ZNF385D: variants seen among roughly 807,000 people sequenced by gnomAD.
The protein encoded by ZNF385D is zinc finger protein 385D.
Under a neutral mutation model 35.8 loss-of-function variants are expected in ZNF385D, and 15 were observed. That is an observed-to-expected ratio of 0.42 (90% confidence interval 0.28 to 0.64). The LOEUF (loss-of-function observed/expected upper bound fraction) is 0.64. Ranked by LOEUF, ZNF385D falls within the 30% of genes least tolerant of loss-of-function variation. The probability of loss-of-function intolerance (pLI) is 0.23; values close to 1 mark genes in which losing one functional copy is unlikely to be tolerated. For synonymous variants in ZNF385D, 212 were observed against 186.8 expected, an observed-to-expected ratio of 1.13 and a Z score of -1.10; for missense variants, 474 against 494.6, an observed-to-expected ratio of 0.96 and a Z score of 0.39.
intron 2 of ZNF385D, among the ~76,000 whole-genome samples, chr3:21,587,028 G>A (rs368217625): frequency 6.6e-6 from 1 of 152,074 alleles, no homozygotes; most frequent in Admixed American, 6.6e-5. Flanking sequence ...CCATGTAAAC[G>A]TATGAAAGAA....
At chr3:21,954,856 G>A (rs1694042) in intron 3 of ZNF385D, among the ~76,000 whole-genome samples, 48,149 of 151,784 alleles carry the variant, frequency 0.32, 8,778 homozygotes, top group African/African-American at 0.46. Context: ...ACCACTGAAA[G>A]TGAAGCTTTA....
chr3:21,920,101 T>C (rs259510), intron 3 of ZNF385D, among the ~76,000 whole-genome samples: 42,598 of 152,014 alleles, frequency 0.28, 6,950 homozygotes, highest in Admixed American at 0.43. Context: ...TTTTAAATGG[T>C]TAAAAGGAAA....
At chr3:21,461,275 G>A (rs1362747935) in intron 4 of ZNF385D, among the ~76,000 whole-genome samples, 1 of 152,088 alleles carries the variant, frequency 6.6e-6, no homozygotes, top group Non-Finnish European at 1.5e-5. Flanking sequence ...TTTGAGGCCT[G>A]GCACAGTGGC....
At chr3:22,031,018 C>T (rs1360255678) in intron 3 of ZNF385D, among the ~76,000 whole-genome samples, 1 of 152,192 alleles carries the variant, frequency 6.6e-6, no homozygotes, top group African/African-American at 2.4e-5. Context: ...TCAAAGTCTC[C>T]TTTGATTCTA....
chr3:22,017,543 T>A (rs990241696), intron 3 of ZNF385D, among the ~76,000 whole-genome samples: 1 of 152,030 alleles, frequency 6.6e-6, no homozygotes, highest in African/African-American at 2.4e-5. Flanking sequence ...TAGATTTATG[T>A]CTACCATATT....
At chr3:22,100,780 A>C (rs574734108) in intron 3 of ZNF385D, among the ~76,000 whole-genome samples, 1 of 152,052 alleles carries the variant, frequency 6.6e-6, no homozygotes, top group South Asian at 2.1e-4. Context: ...ACATGTATAC[A>C]TATGTAACTA....
chr3:22,195,115 A>G (rs1696321966), intron 2 of ZNF385D, among the ~76,000 whole-genome samples: 1 of 151,830 alleles, frequency 6.6e-6, no homozygotes, highest in South Asian at 2.1e-4. Flanking sequence ...ATTGCTCCCC[A>G]TTGTCATTAG....
chr3:21,604,859 G>T (rs1417337485), intron 2 of ZNF385D, among the ~76,000 whole-genome samples: 1 of 152,170 alleles, frequency 6.6e-6, no homozygotes, highest in African/African-American at 2.4e-5. Flanking sequence ...AAAAGTTAAG[G>T]AAAGGCTAGT....
chr3:21,620,766 ACC>A (rs889523804), intron 2 of ZNF385D, among the ~76,000 whole-genome samples: 1 of 151,848 alleles, frequency 6.6e-6, no homozygotes, highest in African/African-American at 2.4e-5. Context: ...AGTGAACTTA[ACC>A]CCTGAAATGT....
chr3:21,943,753 A>C (rs1701647511), intron 3 of ZNF385D, among the ~76,000 whole-genome samples: 1 of 152,186 alleles, frequency 6.6e-6, no homozygotes, highest in African/African-American at 2.4e-5. Context: ...CTAGCAAAGA[A>C]GGAAATAAAG....
chr3:21,958,399 T>A (rs1702401356), intron 3 of ZNF385D, among the ~76,000 whole-genome samples: 1 of 152,094 alleles, frequency 6.6e-6, no homozygotes, highest in African/African-American at 2.4e-5. Context: ...CAGTTATTCA[T>A]CCTTAAAATG....
chr3:22,318,269 G>A (rs1308607589), intron 2 of ZNF385D, among the ~76,000 whole-genome samples: 3 of 152,114 alleles, frequency 2.0e-5, no homozygotes, highest in African/African-American at 4.8e-5. Context: ...AAAGCTTTAA[G>A]TAGAATGAAA....
intron 4 of ZNF385D, chr3:21,459,233 G>A (rs1396415586): frequency 5.3e-5 from 8 of 152,176 alleles, no homozygotes; most frequent in Admixed American, 3.3e-4. Context: ...AGTCATGGTA[G>A]AAGTTTGGTG....
chr3:22,093,652 T>A (rs2125607369), intron 3 of ZNF385D, among the ~76,000 whole-genome samples: 1 of 152,262 alleles, frequency 6.6e-6, no homozygotes, highest in East Asian at 1.9e-4. Flanking sequence ...CTCACCTCTG[T>A]CTTCCCACTC....
chr3:22,067,524 A>G (rs1309245621), intron 3 of ZNF385D, among the ~76,000 whole-genome samples: 1 of 152,224 alleles, frequency 6.6e-6, no homozygotes, highest in African/African-American at 2.4e-5. Flanking sequence ...TTAAGCTATG[A>G]CAAAACAGAA....
chr3:22,336,398 C>T (rs541218893), intron 2 of ZNF385D, among the ~76,000 whole-genome samples: 13 of 152,172 alleles, frequency 8.5e-5, no homozygotes, highest in African/African-American at 2.4e-4. Flanking sequence ...AATAGTTTTA[C>T]GGAACTGATT....
At chr3:22,093,627 G>C (rs1701446785) in intron 3 of ZNF385D, among the ~76,000 whole-genome samples, 1 of 152,026 alleles carries the variant, frequency 6.6e-6, no homozygotes, top group Non-Finnish European at 1.5e-5. Flanking sequence ...TAAAAAATAA[G>C]AAAGATTGTG....
intron 2 of ZNF385D, among the ~76,000 whole-genome samples, chr3:22,252,375 A>G (rs1348045734): frequency 6.6e-6 from 1 of 152,048 alleles, no homozygotes; most frequent in Admixed American, 6.6e-5. Flanking sequence ...TGGGGGAAAT[A>G]AACCCAACAG....
intron 3 of ZNF385D, among the ~76,000 whole-genome samples, chr3:22,106,064 C>A (rs1213257958): frequency 6.6e-6 from 1 of 152,010 alleles, no homozygotes; most frequent in Non-Finnish European, 1.5e-5. Flanking sequence ...GGATAAATCA[C>A]CCCTAGGACT....
Sources: gnomAD v4.1 joint callset for allele counts (sites outside exome capture counted in the v4.1 genomes callset) on GRCh38, gnomAD v4.1.1 for gene constraint, MANE v1.5 for transcripts, NCBI Gene and HGNC (gene_info 2026-07-23, HGNC 2026-07-21) for gene names.